TCF4: variants seen among roughly 807,000 people sequenced by gnomAD.
The protein encoded by TCF4 is SL3-3 enhancer factor 2.
A neutral mutation model predicts 82.1 loss-of-function variants in TCF4; 3 were observed. The observed-to-expected ratio is 0.04, with a 90% CI of 0.02 to 0.09. The LOEUF is 0.09. Among genes scored for constraint, TCF4 ranks in the 10% least tolerant of loss-of-function variants. The probability of loss-of-function intolerance (pLI) is 1.00; values close to 1 mark genes in which losing one functional copy is unlikely to be tolerated. For missense variants in TCF4, 518 were observed against 852.7 expected (o/e 0.61, Z 4.89); for synonymous variants, 276 against 309.6 (o/e 0.89, Z 1.14).
intron 2 of TCF4, among the ~76,000 whole-genome samples, chr18:55,625,661 A>G (rs1238115603): frequency 6.6e-6 from 1 of 152,162 alleles, no homozygotes; most frequent in Non-Finnish European, 1.5e-5. Flanking sequence ...CCTCCCAAAG[A>G]ATGTATTTTC....
intron 2 of TCF4, among the ~76,000 whole-genome samples, chr18:55,607,948 G>A (rs1327625293): frequency 6.6e-6 from 1 of 152,154 alleles, no homozygotes; most frequent in African/African-American, 2.4e-5. Context: ...TTTCATTCAA[G>A]TGGTGACTCC....
chr18:55,554,818 A>G (rs1419701582), intron 3 of TCF4, among the ~76,000 whole-genome samples: 1 of 152,238 alleles, frequency 6.6e-6, no homozygotes, highest in Non-Finnish European at 1.5e-5. Context: ...GTGAAACCAA[A>G]GTGAATTCTG....
intron 6 of TCF4, among the ~76,000 whole-genome samples, chr18:55,380,464 A>G (rs1162751315): frequency 1.3e-5 from 2 of 151,694 alleles, no homozygotes; most frequent in Non-Finnish European, 2.9e-5. Context: ...CTCTTCTTAT[A>G]AGGACATTAA....
At chr18:55,306,048 T>C (rs1326314076) in intron 8 of TCF4, among the ~76,000 whole-genome samples, 1 of 152,196 alleles carries the variant, frequency 6.6e-6, no homozygotes, top group African/African-American at 2.4e-5. Flanking sequence ...CACTTTTTGT[T>C]ATAACTATAG....
chr18:55,237,639 G>A (rs2049935676), intron 15 of TCF4, among the ~76,000 whole-genome samples: 1 of 151,408 alleles, frequency 6.6e-6, no homozygotes, highest in Non-Finnish European at 1.5e-5. Flanking sequence ...CGGCTAATTT[G>A]TCGTGATGTT....
chr18:55,589,675 G>C, upstream of TCF4: 3 of 1,037,998 alleles, frequency 2.9e-6, no homozygotes, highest in Non-Finnish European at 3.5e-6. Flanking sequence ...CAAGTTTAGA[G>C]GTGTCTCATC....
At chr18:55,236,423 C>A (rs1419290886) in intron 15 of TCF4, among the ~76,000 whole-genome samples, 2 of 150,766 alleles carry the variant, frequency 1.3e-5, no homozygotes, top group African/African-American at 2.4e-5. Flanking sequence ...CTAGTTTCAG[C>A]TTCTAGAGCT....
At chr18:55,303,089 G>A (rs190364586) in intron 8 of TCF4, among the ~76,000 whole-genome samples, 1 of 152,292 alleles carries the variant, frequency 6.6e-6, no homozygotes, top group African/African-American at 2.4e-5. Flanking sequence ...CAAAAAGGTT[G>A]AAGGTGTTTA....
At chr18:55,510,427 A>C (rs978193350) in intron 3 of TCF4, among the ~76,000 whole-genome samples, 4 of 152,130 alleles carry the variant, frequency 2.6e-5, no homozygotes, top group Non-Finnish European at 5.9e-5. Context: ...TTGAAACCAA[A>C]ATCCTGAACC....
intron 8 of TCF4, among the ~76,000 whole-genome samples, chr18:55,324,758 C>T (rs936777806): frequency 1.3e-5 from 2 of 152,038 alleles, no homozygotes; most frequent in African/African-American, 2.4e-5. Flanking sequence ...AGAAAGCCAC[C>T]ATCCCTCTCT....
intron 11 of TCF4, 91 bp from the exon 12 acceptor site, chr18:55,261,624 AT>A: frequency 7.3e-7 from 1 of 1,370,956 alleles, no homozygotes; most frequent in Non-Finnish European, 1.0e-6. Context: ...ATTTAATTGC[AT>A]TTTTAATGCT....
chr18:55,333,505 C>T (rs2078007753), intron 8 of TCF4, among the ~76,000 whole-genome samples: 1 of 151,990 alleles, frequency 6.6e-6, no homozygotes, highest in South Asian at 2.1e-4. Context: ...CAACTCACCT[C>T]CGCATTCCCC....
intron 12 of TCF4, among the ~76,000 whole-genome samples, chr18:55,260,916 C>G (rs556935824): frequency 6.6e-6 from 1 of 152,098 alleles, no homozygotes; most frequent in African/African-American, 2.4e-5. Flanking sequence ...ACCAGATATA[C>G]TCTCTGAGAC....
At chr18:55,305,702 T>C (rs1437204524) in intron 8 of TCF4, among the ~76,000 whole-genome samples, 2 of 152,198 alleles carry the variant, frequency 1.3e-5, no homozygotes, top group Non-Finnish European at 2.9e-5. Flanking sequence ...TTACCAATGC[T>C]TACGATTTCC....
chr18:55,492,626 C>G (rs1358505069), intron 3 of TCF4, among the ~76,000 whole-genome samples: 2 of 152,314 alleles, frequency 1.3e-5, no homozygotes, highest in East Asian at 3.9e-4. Flanking sequence ...GCCTGCCAGG[C>G]AAGGAGACAA....
chr18:55,502,457 T>C (rs761198569), intron 3 of TCF4, among the ~76,000 whole-genome samples: 2 of 152,194 alleles, frequency 1.3e-5, no homozygotes, highest in South Asian at 4.1e-4. Flanking sequence ...CAATGCAGCA[T>C]AGTAAAGGAA....
intron 6 of TCF4, among the ~76,000 whole-genome samples, chr18:55,388,741 G>T (rs2092811924): frequency 6.6e-6 from 1 of 152,200 alleles, no homozygotes. Context: ...ATCCAAAGGA[G>T]TTTGTTCCCC....
At chr18:55,308,505 G>A (rs1034923650) in intron 8 of TCF4, among the ~76,000 whole-genome samples, 2 of 152,190 alleles carry the variant, frequency 1.3e-5, no homozygotes, top group Admixed American at 6.5e-5. Context: ...TTGTCTAACT[G>A]TATGTATGGA....
chr18:55,633,641 G>A lies in TCF4; in HGVS notation c.195+2062C>T, dbSNP rs1245977782. On this transcript the variant is annotated intron_variant, in intron 1 of 20. Coordinates refer to the TCF4 transcript ENST00000398339. The surrounding 1 kb of genome is among the most constrained non-coding windows in gnomAD (Gnocchi z 4.0). ...GTAAAGAAAGAGAGGCTAGAGCAGGGGTGGGCAAACTTTTTCTGTAAAGGG... is the reference window on the plus strand; with the variant it reads ...GTAAAGAAAGAGAGGCTAGAGCAGGAGTGGGCAAACTTTTTCTGTAAAGGG... 6.6e-6 allele frequency among the ~76,000 whole-genome samples: 1 copy of A among 152,104 alleles called. No homozygotes were observed. Among genetic ancestry groups the A allele is most frequent in the Non-Finnish European group, 1.5e-5 (1 of 68,022 alleles).
Sources: allele counts gnomAD v4.1 joint callset (sites outside exome capture counted in the v4.1 genomes callset), GRCh38; gene constraint gnomAD v4.1.1; non-coding constraint Gnocchi (gnomAD v3.1); transcripts MANE v1.5; gene names NCBI Gene and HGNC (gene_info 2026-07-23, HGNC 2026-07-21).